DNHD1: variants seen among roughly 807,000 people sequenced by gnomAD.
The protein encoded by DNHD1 is dynein heavy chain domain-containing protein 1.
Under a neutral mutation model 458.1 loss-of-function variants are expected in DNHD1, and 383 were observed. That is an observed-to-expected ratio of 0.84 (90% CI 0.77 to 0.91). DNHD1 has a LOEUF of 0.91. DNHD1 is among the 40% of genes least tolerant of loss of function. DNHD1 has a pLI of 0.00. For missense variants in DNHD1, 5,336 were observed against 5,866.1 expected, an observed-to-expected ratio of 0.91 and a Z score of 2.95; for synonymous variants, 2,203 against 2,376.9, an observed-to-expected ratio of 0.93 and a Z score of 2.13.
At chr11:6,524,884 A>G (rs946996150) in intron 10 of DNHD1, among the ~76,000 whole-genome samples, 1 of 152,188 alleles carries the variant, frequency 6.6e-6, no homozygotes, top group East Asian at 1.9e-4. Context: ...ATAAAACAAA[A>G]CAAAACAAGA....
intron 12 of DNHD1, among the ~76,000 whole-genome samples, chr11:6,530,755 G>GGC (rs953959811): frequency 2.6e-5 from 4 of 152,130 alleles, no homozygotes; most frequent in African/African-American, 9.7e-5. Context: ...AGGGGGTTCA[G>GGC]GCGGGCAAGG....
chr11:6,549,081 C>T, intron 24 of DNHD1, 148 bp downstream of exon 24: 1 of 874,710 alleles, frequency 1.1e-6, no homozygotes. Context: ...TACATATGCT[C>T]CCTGAACAAT....
Position 6,565,816 on chromosome 11 carries a change from A to T in DNHD1, c.10878A>T (p.Arg3626Ser). 1 of 1,551,746 alleles carries T rather than the reference A, an allele frequency of 6.4e-7. No homozygotes were observed. The highest frequency in any genetic ancestry group is 8.7e-7 in the Non-Finnish European group (1 of 1,147,010). ...DQTKEQKAEE[R>S]KNEQEKEQEE... ...CAAAAGAGCAGAAGGCAGAGGAAAG[A>T]AAAAATGAGCAGGAGAAAGAGCAAG... is the stretch of plus-strand genomic sequence containing the variant. The change falls in exon 33 of 43, where the codon AGA becomes AGT. Residue 3626 changes from arginine to serine, a missense_variant. Physicochemically the swap from Arg to Ser is moderately radical, Grantham distance 110. Coordinates refer to ENST00000254579, the MANE Select transcript of DNHD1 (RefSeq NM_144666.3).
At chr11:6,552,949 C>T (rs965180000) in intron 24 of DNHD1, among the ~76,000 whole-genome samples, 12 of 151,960 alleles carry the variant, frequency 7.9e-5, no homozygotes, top group African/African-American at 2.9e-4. Context: ...GTTTCCAGTC[C>T]CAGATGGTTA....
chr11:6,563,928 G>T lies in DNHD1; in HGVS notation c.10088G>T (p.Arg3363Leu). 1 of 1,551,654 alleles carries T rather than the reference G, an allele frequency of 6.4e-7. No homozygotes were observed. The highest frequency in any genetic ancestry group is 8.7e-7 in the Non-Finnish European group (1 of 1,146,996). ...GCAACACTCACTCGGGAGCAGGCCC[G>T]CCTGGGCTACTACCAGTTTCAGGCC... is the stretch of plus-strand genomic sequence containing the variant. The part of the protein sequence containing the change: ...VEATLTREQA[R>L]LGYYQFQAQE... Residue 3363 changes from arginine (R) to leucine (L), a missense_variant, in exon 31 of 43, where the codon CGC becomes CTC. Arg to Leu is a moderately radical substitution (Grantham distance 102). Around this residue, in one of 4 missense-constraint regions of DNHD1, gnomAD observed 3,932 missense variants for 4,365.6 expected, o/e 0.90. Transcript: ENST00000254579.
intron 18 of DNHD1, among the ~76,000 whole-genome samples, chr11:6,543,128 T>G (rs16915228): frequency 0.12 from 18,843 of 152,206 alleles, 3,942 homozygotes; most frequent in African/African-American, 0.43. Flanking sequence ...CCAGTGCTGT[T>G]TTCTCTAGAG....
At chr11:6,520,192 T>G (rs1382902790) in intron 9 of DNHD1, 46 bp from the exon 10 acceptor site, 3 of 1,590,932 alleles carry the variant, frequency 1.9e-6, no homozygotes, top group Non-Finnish European at 2.6e-6. Context: ...TTTGAATCCC[T>G]CATTGCTTTC....
chr11:6,497,922 C>G lies in DNHD1; in HGVS notation c.-294C>G, dbSNP rs1852060248. 1 of 462,744 alleles carries G rather than the reference C, an allele frequency of 2.2e-6. No individual in the cohort carries two copies. The highest frequency in any genetic ancestry group is 2.0e-5 in the African/African-American group (1 of 51,122). The allele number at this position is 462,744 out of a possible 1,614,324, so 28.7% of individuals were successfully genotyped here. A position where few individuals can be genotyped will look rare whatever the true frequency, so the allele number is the denominator to read the frequency against. ...CTCTCACGTCTGTCTTAGGCCTGCT[C>G]CTTACCAGAGTCTTTGGGGAAGCAG... is the stretch of plus-strand genomic sequence containing the variant. On this transcript the variant is annotated 5_prime_UTR_variant, in exon 3 of 43. Transcript: ENST00000254579.
intron 24 of DNHD1, among the ~76,000 whole-genome samples, chr11:6,549,490 GTCCTCTTACACTCTCTCTAAT>G (rs1853291224): frequency 1.3e-5 from 2 of 152,122 alleles, no homozygotes; most frequent in Non-Finnish European, 2.9e-5. Flanking sequence ...TTTCTTCTGT[GTCCTCTTACACTCTCTCTAAT>G]TGGACTTAAC....
chr11:6,571,479 C>G lies in DNHD1; in HGVS notation c.13911+56C>G. On this transcript the variant is annotated intron_variant, in intron 42 of 42. Coordinates refer to ENST00000254579, the MANE Select transcript of DNHD1 (RefSeq NM_144666.3). This position sits in a 1 kb window ranked among gnomAD's most constrained non-coding sequence, Gnocchi z 5.0. ...CCAGTCCCCTCGAAGTCTCTAATTA[C>G]ACCTCGCAGTTACCCCTTCTTGGTG... The G allele has an allele frequency of 6.7e-7, 1 of 1,492,518 alleles. No homozygotes were observed. The highest frequency in any genetic ancestry group is 9.0e-7 in the Non-Finnish European group (1 of 1,115,084). The allele number at this position is 1,492,518 out of a possible 1,614,324, so 92.5% of individuals were successfully genotyped here. A position where few individuals can be genotyped will look rare whatever the true frequency, so the allele number is the denominator to read the frequency against.
chr11:6,547,066 G>A lies in DNHD1; in HGVS notation c.6127G>A (p.Gly2043Arg), dbSNP rs1320868071. 2.6e-6 allele frequency: 4 copies of A among 1,551,712 alleles called. No homozygotes were observed. The highest frequency in any genetic ancestry group is 3.5e-6 in the Non-Finnish European group (4 of 1,146,994). Reference protein sequence around the residue: ...PSGLSPQEFLGWLEGSCWHHG... With the variant: ...PSGLSPQEFLRWLEGSCWHHG... Reference sequence around the variant, plus strand: ...TGGCCTCAGCCCCCAGGAGTTCCTGGGATGGCTAGAGGGCTCCTGCTGGCA... The same window carrying A: ...TGGCCTCAGCCCCCAGGAGTTCCTGAGATGGCTAGAGGGCTCCTGCTGGCA... Residue 2043 changes from glycine to arginine, a missense_variant, in exon 21 of 43, where the codon GGA (glycine) becomes AGA (arginine). By Grantham distance (125) the Gly-to-Arg change is moderately radical. Around this residue, in one of 4 missense-constraint regions of DNHD1, gnomAD observed 3,932 missense variants for 4,365.6 expected, o/e 0.90. Transcript: ENST00000254579.
chr11:6,512,398 AT>A (rs1451123104), intron 7 of DNHD1, among the ~76,000 whole-genome samples: 1 of 150,326 alleles, frequency 6.7e-6, no homozygotes, highest in African/African-American at 2.4e-5. Context: ...TTTTTTTTGT[AT>A]TTTTAGTAGA....
chr11:6,509,409 A>T, intron 6 of DNHD1, 137 bp downstream of exon 6: 1 of 711,088 alleles, frequency 1.4e-6, no homozygotes, highest in Non-Finnish European at 2.3e-6. Flanking sequence ...AACCACTATG[A>T]ACATTTTGTT....
In DNHD1 at chr11:6,547,174, G is replaced by A. The variant is rs1208687665; in HGVS notation, c.6235G>A (p.Gly2079Arg). ...AAAGAGGCAGACAGAGGAATCAATC[G>A]GGATCCAGCACTGGATAATATGTGA... ...GQKRQTEESI[G>R]IQHWIICDGA... The change falls in exon 21 of 43, where the codon GGG becomes AGG. Residue 2079 changes from glycine to arginine, a missense_variant. Transcript: ENST00000254579. 3.9e-6 allele frequency: 6 copies of A among 1,551,726 alleles called. No individual in the cohort carries two copies. The highest frequency in any genetic ancestry group is 5.2e-6 in the Non-Finnish European group (6 of 1,146,984).
At chr11:6,499,431 A>G (rs1477006026) in intron 3 of DNHD1, among the ~76,000 whole-genome samples, 1 of 152,094 alleles carries the variant, frequency 6.6e-6, no homozygotes, top group Non-Finnish European at 1.5e-5. Flanking sequence ...TGTGACTTAA[A>G]CCGGCTCCAA....
rs376399195 is a variant in DNHD1, at chr11:6,548,668, G to A, written c.7122G>A (p.Val2374=). 26 of 1,551,508 alleles carry A rather than the reference G, an allele frequency of 1.7e-5. No individual in the cohort carries two copies. The highest frequency in any genetic ancestry group is 1.6e-4 in the Admixed American group (8 of 50,986). The change falls in exon 24 of 43, where the codon GTG becomes GTA. Residue 2374 remains valine (V), a synonymous_variant. Coordinates refer to ENST00000254579, the MANE Select transcript of DNHD1 (RefSeq NM_144666.3). The surrounding 1 kb of genome is among the most constrained non-coding windows in gnomAD (Gnocchi z 4.4). ...SIQTERLLYV[V]DLLLSGGQPV... ...AGACTGAACGGCTCTTGTATGTGGTGGACCTGCTTCTGTCAGGGGGACAGC... is the reference window on the plus strand; with the variant it reads ...AGACTGAACGGCTCTTGTATGTGGTAGACCTGCTTCTGTCAGGGGGACAGC...
rs774981054 is a variant in DNHD1 at position 6,533,100 on chromosome 11, A to G, written c.2421A>G (p.Gln807=). ...VQNECWNLSQ[Q]LMTELTDFMH... Reference sequence around the variant, plus strand: ...ATGAGTGCTGGAACCTCAGTCAACAACTCATGACAGAGCTCACAGATTTCA... The same window carrying G: ...ATGAGTGCTGGAACCTCAGTCAACAGCTCATGACAGAGCTCACAGATTTCA... Residue 807 remains glutamine, a synonymous_variant, in exon 13 of 43, where the codon CAA becomes CAG. Coordinates refer to ENST00000254579, the MANE Select transcript of DNHD1 (RefSeq NM_144666.3). 4 of 1,551,362 alleles carry G rather than the reference A, an allele frequency of 2.6e-6. No homozygotes were observed. The highest frequency in any genetic ancestry group is 3.5e-6 in the Non-Finnish European group (4 of 1,146,896).
rs751194518 is a variant in DNHD1, at chr11:6,571,122, G to C, written c.13610G>C (p.Trp4537Ser). 6.2e-7 allele frequency: 1 copy of C among 1,600,118 alleles called. No homozygotes were observed. The highest frequency in any genetic ancestry group is 8.5e-7 in the Non-Finnish European group (1 of 1,174,996). Residue 4537 changes from tryptophan (W) to serine (S), a missense_variant, in exon 42 of 43, where the codon TGG (tryptophan) becomes TCG (serine). Transcript: ENST00000254579. The surrounding 1 kb of genome is among the most constrained non-coding windows in gnomAD (Gnocchi z 5.0). ...ALWTGRLPLP[W>S]RPHAPAGPQP... Reference sequence around the variant, plus strand: ...TGGACTGGCCGCCTACCCTTGCCTTGGCGACCTCATGCGCCGGCCGGTCCG... The same window carrying C: ...TGGACTGGCCGCCTACCCTTGCCTTCGCGACCTCATGCGCCGGCCGGTCCG...
chr11:6,558,090 G>A lies in DNHD1; in HGVS notation c.8795G>A (p.Trp2932Ter). 1 of 1,551,620 alleles carries A rather than the reference G, an allele frequency of 6.4e-7. No homozygotes were observed. Among genetic ancestry groups the A allele is most frequent in the Non-Finnish European group, 8.7e-7 (1 of 1,146,926 alleles). Residue 2932 changes from tryptophan (W) to a stop codon, truncating the protein, a stop_gained, in exon 25 of 43, where the codon TGG (tryptophan) becomes TAG (stop). Transcript: ENST00000254579. LOFTEE classifies it high-confidence loss of function. ...CTCCAATGTCTACGAGATGCCAGCT[G>A]GCATGCTGGCATGTTAAGCCAGCCA... ...AILQCLRDAS[W>*]HAGMLSQPVA... is the part of the protein sequence containing the mutation.
Sources: gnomAD v4.1 joint callset for allele counts (sites outside exome capture counted in the v4.1 genomes callset) on GRCh38, gnomAD v4.1.1 for gene constraint, gnomAD v4.1.1 regional missense constraint, Gnocchi (gnomAD v3.1) non-coding constraint, MANE v1.5 for transcripts, NCBI Gene and HGNC (gene_info 2026-07-23, HGNC 2026-07-21) for gene names.